EPB41L4A: variants seen among roughly 807,000 people sequenced by gnomAD.
EPB41L4A encodes band 4.1-like protein 4A.
EPB41L4A carries 100 observed loss-of-function variants against 108.6 expected under a neutral mutation model. That is an observed-to-expected ratio of 0.92 (90% CI 0.78 to 1.09). The LOEUF is 1.09. Ranked by LOEUF, EPB41L4A falls within the 50% of genes least tolerant of loss-of-function variation. The pLI, the probability that EPB41L4A is intolerant of heterozygous loss-of-function variation, is 0.00. For synonymous variants in EPB41L4A, 319 were observed against 289.0 expected (o/e 1.10, Z -1.05); for missense variants, 1,030 against 842.7 (o/e 1.22, Z -2.75).
chr5:112,396,601 A>G (rs1005960390), intron 1 of EPB41L4A, among the ~76,000 whole-genome samples: 2 of 152,352 alleles, frequency 1.3e-5, no homozygotes, highest in South Asian at 2.1e-4. Context: ...CCAGGGCTGC[A>G]GTCCATTGAA....
intron 1 of EPB41L4A, among the ~76,000 whole-genome samples, chr5:112,394,913 C>T (rs77116560): frequency 0.73 from 110,382 of 151,456 alleles, 40,797 homozygotes; most frequent in African/African-American, 0.82. Context: ...ACCAATGGAA[C>T]AGAACAGAGC....
intron 1 of EPB41L4A, among the ~76,000 whole-genome samples, chr5:112,390,588 G>A (rs182338273): frequency 3.3e-5 from 5 of 152,284 alleles, no homozygotes; most frequent in East Asian, 3.9e-4. Context: ...CGAGGCCAGC[G>A]TGACTCTGTA....
chr5:112,356,861 T>C (rs1747585342), intron 1 of EPB41L4A, among the ~76,000 whole-genome samples: 1 of 152,220 alleles, frequency 6.6e-6, no homozygotes. Context: ...TGTTGAAATA[T>C]CACCTCCAAA....
chr5:112,192,548 C>T (rs1490491603), intron 17 of EPB41L4A, among the ~76,000 whole-genome samples: 1 of 152,180 alleles, frequency 6.6e-6, no homozygotes, highest in African/African-American at 2.4e-5. Context: ...ATTAAACATT[C>T]AGAATCACCG....
rs558804592 is a variant in EPB41L4A, at chr5:112,254,376, T to TC, written c.795+4852dup. Among the ~76,000 whole-genome samples the TC allele has an allele frequency of 3.5e-3, 530 of 152,264 alleles. 3 individuals are homozygous for TC. Among genetic ancestry groups the TC allele is most frequent in the African/African-American group, 0.012 (513 of 41,550 alleles). On this transcript the variant is annotated intron_variant, in intron 9 of 22. Transcript: ENST00000261486. ...TCTTTGCAGTGAGTCCCCTCTTGTC[T>TC]CCCCTTGATCACATCTCCTACTCTG...
At chr5:112,150,517 T>C (rs917836718) in intron 12 of EPB41L4A, among the ~76,000 whole-genome samples, 36 of 152,102 alleles carry the variant, frequency 2.4e-4, no homozygotes, top group African/African-American at 8.7e-4. Context: ...AAACTCAGTA[T>C]TAACAGCTGA....
chr5:112,243,165 G>A (rs1749924850), intron 9 of EPB41L4A, among the ~76,000 whole-genome samples: 1 of 147,542 alleles, frequency 6.8e-6, no homozygotes, highest in Non-Finnish European at 1.5e-5. Context: ...AGTGAGCCGA[G>A]ATCGTGCCAC....
At chr5:112,279,244 G>A (rs1036517654) in intron 3 of EPB41L4A, among the ~76,000 whole-genome samples, 6 of 152,132 alleles carry the variant, frequency 3.9e-5, no homozygotes, top group Admixed American at 1.3e-4. Flanking sequence ...CAGGACTTTC[G>A]GATGGCTTTG....
chr5:112,311,385 A>C (rs1462791676), intron 1 of EPB41L4A, among the ~76,000 whole-genome samples: 4 of 152,194 alleles, frequency 2.6e-5, no homozygotes, highest in African/African-American at 9.7e-5. Context: ...TCAAGCAAGG[A>C]TTCCTAAAAT....
intron 1 of EPB41L4A, among the ~76,000 whole-genome samples, chr5:112,360,545 GA>G (rs1758657441): frequency 6.6e-6 from 1 of 152,246 alleles, no homozygotes; most frequent in African/African-American, 2.4e-5. Flanking sequence ...GAGGTGCCGG[GA>G]TTGCAGACGG....
chr5:112,315,064 T>C (rs549273305), intron 1 of EPB41L4A, among the ~76,000 whole-genome samples: 1 of 152,206 alleles, frequency 6.6e-6, no homozygotes, highest in East Asian at 1.9e-4. Flanking sequence ...CTGAAAGAAA[T>C]GCTTCCCATT....
At chr5:112,410,808 C>A (rs1013530962) in intron 1 of EPB41L4A, among the ~76,000 whole-genome samples, 4 of 152,138 alleles carry the variant, frequency 2.6e-5, no homozygotes, top group African/African-American at 9.7e-5. Context: ...CAGGAGAAAG[C>A]CTTTCTCCTA....
At chr5:112,383,584 T>C (rs551248218) in intron 1 of EPB41L4A, among the ~76,000 whole-genome samples, 5 of 152,198 alleles carry the variant, frequency 3.3e-5, no homozygotes, top group African/African-American at 9.6e-5. Flanking sequence ...AAGTCTTAAT[T>C]TAAAGAAAAA....
intron 2 of EPB41L4A, among the ~76,000 whole-genome samples, chr5:112,286,274 T>A (rs1753271370): frequency 6.6e-6 from 1 of 152,188 alleles, no homozygotes; most frequent in East Asian, 1.9e-4. Flanking sequence ...AAAACACCCA[T>A]GGGTAACTCC....
intron 1 of EPB41L4A, among the ~76,000 whole-genome samples, chr5:112,362,873 A>T (rs542332929): frequency 6.6e-5 from 10 of 152,204 alleles, no homozygotes; most frequent in Non-Finnish European, 1.3e-4. Flanking sequence ...ATGTTTCCTA[A>T]AAGTAGCAGG....
At chr5:112,410,418 G>C (rs721055) in intron 1 of EPB41L4A, among the ~76,000 whole-genome samples, 1 of 152,076 alleles carries the variant, frequency 6.6e-6, no homozygotes, top group African/African-American at 2.4e-5. Context: ...GCAGGGATTA[G>C]GAGGCCCTGC....
At chr5:112,160,002 C>T (rs1561435197), downstream of EPB41L4A, among the ~76,000 whole-genome samples, 1 of 150,764 alleles carries the variant, frequency 6.6e-6, no homozygotes, top group Non-Finnish European at 1.5e-5. Context: ...CCACCCCGCC[C>T]GGGTTCAAGC....
intron 18 of EPB41L4A, among the ~76,000 whole-genome samples, chr5:112,183,030 T>C (rs561234407): frequency 6.6e-6 from 1 of 152,306 alleles, no homozygotes; most frequent in African/African-American, 2.4e-5. Flanking sequence ...ACGGGGTTAA[T>C]TTCTAATTGA....
intron 17 of EPB41L4A, among the ~76,000 whole-genome samples, chr5:112,185,025 AGG>A (rs1253138245): frequency 2.6e-5 from 4 of 151,084 alleles, no homozygotes; most frequent in African/African-American, 9.9e-5. Flanking sequence ...CACTATTGGC[AGG>A]AGAGAAGAAG....
Sources: allele counts gnomAD v4.1 joint callset (sites outside exome capture counted in the v4.1 genomes callset), GRCh38; gene constraint gnomAD v4.1.1; transcripts MANE v1.5; gene names NCBI Gene and HGNC (gene_info 2026-07-23, HGNC 2026-07-21).